BMAL1: variants seen among roughly 807,000 people sequenced by gnomAD.
BMAL1 encodes the protein basic helix-loop-helix ARNT like 1.
chr11:13,348,525 G>C, the BMAL1 span, among the ~76,000 whole-genome samples: 1 of 152,108 alleles, frequency 6.6e-6, no homozygotes, highest in Admixed American at 6.5e-5. Context: ...GGGGGCTGTG[G>C]GGTGTGGGAG....
At chr11:13,320,427 A>C in the BMAL1 span, among the ~76,000 whole-genome samples, 1 of 152,210 alleles carries the variant, frequency 6.6e-6, no homozygotes, top group Non-Finnish European at 1.5e-5. Context: ...CATAGTGGTA[A>C]GAGGCACTTG....
chr11:13,305,572 T>A, the BMAL1 span, among the ~76,000 whole-genome samples: 1 of 152,238 alleles, frequency 6.6e-6, no homozygotes, highest in African/African-American at 2.4e-5. Context: ...TTTCATCTTT[T>A]CCAATCTGTA....
At chr11:13,323,455 A>T in the BMAL1 span, among the ~76,000 whole-genome samples, 1 of 152,210 alleles carries the variant, frequency 6.6e-6, no homozygotes, top group African/African-American at 2.4e-5. Context: ...CAAACAAAAA[A>T]CTAGCCTTGC....
chr11:13,319,733 A>G, the BMAL1 span, among the ~76,000 whole-genome samples: 124 of 152,338 alleles, frequency 8.1e-4, 1 homozygote, highest in African/African-American at 2.5e-3. Context: ...TAGCCTTTGG[A>G]AGAATTACAG....
At chr11:13,277,283 G>C in the BMAL1 span, among the ~76,000 whole-genome samples, 1 of 152,252 alleles carries the variant, frequency 6.6e-6, no homozygotes, top group Non-Finnish European at 1.5e-5. Flanking sequence ...AGAAGAAGGA[G>C]GAGGGGTGAG....
the BMAL1 span, among the ~76,000 whole-genome samples, chr11:13,334,441 A>G: frequency 0.02 from 3,006 of 152,142 alleles, 110 homozygotes; most frequent in African/African-American, 0.07. Context: ...TCCCCAACAA[A>G]TGGGTTCATC....
the BMAL1 span, among the ~76,000 whole-genome samples, chr11:13,362,071 G>C: frequency 4.6e-5 from 7 of 152,190 alleles, no homozygotes; most frequent in African/African-American, 1.4e-4. Flanking sequence ...TGGGAATGGT[G>C]TTGGGAATTG....
the BMAL1 span, among the ~76,000 whole-genome samples, chr11:13,367,814 C>G: frequency 6.6e-6 from 1 of 151,776 alleles, no homozygotes; most frequent in African/African-American, 2.4e-5. Flanking sequence ...CTTAACCTCT[C>G]TCTGTCTCAG....
the BMAL1 span, among the ~76,000 whole-genome samples, chr11:13,336,455 A>G: frequency 1.3e-5 from 2 of 152,116 alleles, no homozygotes; most frequent in African/African-American, 4.8e-5. Flanking sequence ...GGCAGGTCCA[A>G]GGGAAAGTCA....
At chr11:13,378,385 C>T in the BMAL1 span, 1 of 1,613,178 alleles carries the variant, frequency 6.2e-7, no homozygotes, top group Admixed American at 1.7e-5. Context: ...CCAGGGGGAA[C>T]CCGGGCTGGG....
At chr11:13,358,482 TTTTATAGA>T in the BMAL1 span, 1 of 1,612,954 alleles carries the variant, frequency 6.2e-7, no homozygotes, top group Non-Finnish European at 8.5e-7. Context: ...AAATGAACAG[TTTTATAGA>T]TGAATTGGCT....
the BMAL1 span, among the ~76,000 whole-genome samples, chr11:13,282,002 G>C: frequency 6.6e-6 from 1 of 152,156 alleles, no homozygotes; most frequent in African/African-American, 2.4e-5. Context: ...CCTGTGTTCT[G>C]CTAGCAGGTC....
the BMAL1 span, among the ~76,000 whole-genome samples, chr11:13,324,074 G>A: frequency 6.6e-6 from 1 of 152,026 alleles, no homozygotes; most frequent in Non-Finnish European, 1.5e-5. Flanking sequence ...TGTATGTCCT[G>A]GAAGCCACCA....
the BMAL1 span, among the ~76,000 whole-genome samples, chr11:13,346,101 A>G: frequency 6.6e-6 from 1 of 152,228 alleles, no homozygotes; most frequent in African/African-American, 2.4e-5. Flanking sequence ...GCTACTGTCC[A>G]TCCAGGGCCT....
chr11:13,356,767 C>A, the BMAL1 span: 2 of 1,614,102 alleles, frequency 1.2e-6, no homozygotes, highest in African/African-American at 1.3e-5. Flanking sequence ...CAAAGATGAC[C>A]CTCATGGAAG....
the BMAL1 span, among the ~76,000 whole-genome samples, chr11:13,278,101 C>G: frequency 1.3e-5 from 2 of 152,124 alleles, no homozygotes; most frequent in Non-Finnish European, 2.9e-5. Context: ...TCCCTGCCCC[C>G]ACCCGGGCCG....
At chr11:13,376,902 T>C in the BMAL1 span, 1 of 602,982 alleles carries the variant, frequency 1.7e-6, no homozygotes, top group Admixed American at 3.1e-5. Flanking sequence ...GTCATGTCAC[T>C]TTCTCTGTTG....
chr11:13,365,024 T>G, the BMAL1 span, among the ~76,000 whole-genome samples: 1 of 151,996 alleles, frequency 6.6e-6, no homozygotes, highest in Admixed American at 6.6e-5. Flanking sequence ...AGAACCACTG[T>G]TTTAGAGAGC....
At chr11:13,278,969 C>T in the BMAL1 span, among the ~76,000 whole-genome samples, 1 of 152,194 alleles carries the variant, frequency 6.6e-6, no homozygotes, top group Admixed American at 6.5e-5. Flanking sequence ...GGGGTGAGCT[C>T]AGGTGCCCGC....
Sources: allele counts gnomAD v4.1 joint callset (sites outside exome capture counted in the v4.1 genomes callset), GRCh38; gene constraint gnomAD v4.1.1; transcripts MANE v1.5; gene names NCBI Gene and HGNC (gene_info 2026-07-23, HGNC 2026-07-21).